The following MLLT1 variants were observed in gnomAD, a reference collection of about 807,000 sequenced individuals.
MLLT1 encodes the protein MLLT1 super elongation complex subunit, also known as protein ENL.
MLLT1 carries 11 observed loss-of-function variants against 55.1 expected under a neutral mutation model. The ratio of observed to expected loss-of-function variants is 0.20; its 90% CI spans 0.13 to 0.33. The LOEUF (loss-of-function observed/expected upper bound fraction) is 0.33, where lower values mean the gene tolerates loss of function less well. Ranked by LOEUF, MLLT1 falls within the 10% of genes least tolerant of loss-of-function variation. MLLT1 has a pLI of 1.00. For synonymous variants in MLLT1, 323 were observed against 320.1 expected, an observed-to-expected ratio of 1.01 and a Z score of -0.10; for missense variants, 536 against 760.6, an observed-to-expected ratio of 0.70 and a Z score of 3.47.
Position 6,262,145 on chromosome 19 carries a change from G to T in MLLT1, c.276+83C>A. 3 of 1,072,046 alleles carry T rather than the reference G, an allele frequency of 2.8e-6. No individual in the cohort carries two copies. The highest frequency in any genetic ancestry group is 4.3e-6 in the Non-Finnish European group (3 of 694,066). The allele number at this position is 1,072,046 out of a possible 1,614,324, so 66.4% of individuals were successfully genotyped here. On this transcript the variant is annotated intron_variant, in intron 3 of 11. Transcript: ENST00000252674. The surrounding 1 kb of genome is among the most constrained non-coding windows in gnomAD (Gnocchi z 4.4). Reference sequence around the variant, plus strand: ...GTGCATGGGCAGCGGCCAGTTCTCTGGCCTGTTTTGTGAACTGCCGTGGCA... The same window carrying T: ...GTGCATGGGCAGCGGCCAGTTCTCTTGCCTGTTTTGTGAACTGCCGTGGCA...
rs1409086374 is a variant in MLLT1 at position 6,262,218 on chromosome 19, G to C, written c.276+10C>G. ...AGAGGCATCCTGCTTGCTCCCCTCA[G>C]GGATCCTACCTTGTTTTTGAAGTGC... is the stretch of plus-strand genomic sequence containing the variant. On this transcript the variant is annotated intron_variant, in intron 3 of 11. Transcript: ENST00000252674. The surrounding 1 kb of genome is among the most constrained non-coding windows in gnomAD (Gnocchi z 4.4). The C allele has an allele frequency of 6.2e-7, 1 of 1,612,574 alleles. No homozygotes were observed. The highest frequency in any genetic ancestry group is 8.5e-7 in the Non-Finnish European group (1 of 1,178,834).
intron 5 of MLLT1, among the ~76,000 whole-genome samples, chr19:6,225,542 C>T (rs888093291): frequency 6.6e-6 from 1 of 152,178 alleles, no homozygotes; most frequent in Admixed American, 6.5e-5. Flanking sequence ...TCTCAGAATG[C>T]CCTCAGCAGA....
rs1224267190 is a variant in MLLT1 at position 6,216,466 on chromosome 19, C to T, written c.1246G>A (p.Glu416Lys). 3.7e-6 allele frequency: 6 copies of T among 1,608,548 alleles called. No homozygotes were observed. The highest frequency in any genetic ancestry group is 4.2e-6 in the Non-Finnish European group (5 of 1,178,314). ...VEDLQSEESD[E>K]DDSSSGEEAA... ...TCCTCGCCTGACGAAGAGTCGTCCTCGTCGGACTCCTCGGACTGCAGGTCC... is the reference window on the plus strand; with the variant it reads ...TCCTCGCCTGACGAAGAGTCGTCCTTGTCGGACTCCTCGGACTGCAGGTCC... Residue 416 changes from glutamate (E) to lysine (K), a missense_variant, in exon 8 of 12, where the codon GAG becomes AAG. This residue lies in a region of MLLT1 where 449 missense variants were observed against 489.0 expected (regional missense o/e 0.92). Transcript: ENST00000252674.
intron 3 of MLLT1, among the ~76,000 whole-genome samples, chr19:6,253,145 G>T (rs1375645156): frequency 6.6e-6 from 1 of 151,118 alleles, no homozygotes; most frequent in Non-Finnish European, 1.5e-5. Flanking sequence ...CACACCCGTA[G>T]TCCCAGCTAC....
intron 2 of MLLT1, among the ~76,000 whole-genome samples, chr19:6,267,969 C>G (rs914230638): frequency 1.3e-5 from 2 of 151,936 alleles, no homozygotes; most frequent in South Asian, 4.2e-4. Flanking sequence ...CTGCAGGCAC[C>G]GAACATGTAG....
chr19:6,277,490 G>A (rs1209109527), intron 1 of MLLT1, among the ~76,000 whole-genome samples: 1 of 152,174 alleles, frequency 6.6e-6, no homozygotes, highest in East Asian at 1.9e-4. Context: ...GTTGTCATTC[G>A]AGTTAGTTTA....
In MLLT1 at chr19:6,273,542, G is replaced by A. The variant is rs1025987159; in HGVS notation, c.13-2783C>T. On this transcript the variant is annotated intron_variant, in intron 1 of 11. Coordinates refer to ENST00000252674, the MANE Select transcript of MLLT1 (RefSeq NM_005934.4). This position sits in a 1 kb window ranked among gnomAD's most constrained non-coding sequence, Gnocchi z 4.3. ...TCAGGCCAAGCACGAGTGTCTGCCT[G>A]AACACCACCGCATTCCAACAAACCC... Among the ~76,000 whole-genome samples the A allele has an allele frequency of 6.6e-6, 1 of 152,152 alleles. No individual in the cohort carries two copies. Among genetic ancestry groups the A allele is most frequent in the African/African-American group, 2.4e-5 (1 of 41,410 alleles).
At position 6,230,789 on chromosome 19, in the gene MLLT1, G is replaced by C. The variant is rs1429010430; in HGVS notation, c.277-76C>G. On this transcript the variant is annotated intron_variant, in intron 3 of 11. Coordinates refer to ENST00000252674, the MANE Select transcript of MLLT1 (RefSeq NM_005934.4). The surrounding 1 kb of genome is among the most constrained non-coding windows in gnomAD (Gnocchi z 9.0). ...GGGACACAGCTCCCCATTGGCCCTG[G>C]TCCTCCCCTCTCCCTCACTGGGCCT... is the stretch of plus-strand genomic sequence containing the variant. 1.3e-6 allele frequency: 2 copies of C among 1,561,026 alleles called. No homozygotes were observed. Among genetic ancestry groups the C allele is most frequent in the Non-Finnish European group, 1.7e-6 (2 of 1,144,538 alleles).
intron 8 of MLLT1, 69 bp downstream of exon 8, chr19:6,216,336 T>C: frequency 8.7e-7 from 1 of 1,146,836 alleles, no homozygotes; most frequent in South Asian, 1.3e-5. Context: ...AGCCCCACAA[T>C]CACTGCAGAC....
chr19:6,217,945 CAT>C lies in MLLT1; in HGVS notation c.1198+7_1198+8del. ...CCATCCGTGCCCCCCAGCTGCTCTC[CAT>C]ACACACCTTGGCTGTGGTTCTGGGA... On this transcript the variant is annotated splice_region_variant and intron_variant, in intron 7 of 11. Transcript: ENST00000252674. The C allele has an allele frequency of 6.3e-7, 1 of 1,598,442 alleles. No homozygotes were observed. The highest frequency in any genetic ancestry group is 8.5e-7 in the Non-Finnish European group (1 of 1,173,324).
chr19:6,272,291 C>T (rs1261927065), intron 1 of MLLT1, among the ~76,000 whole-genome samples: 2 of 152,198 alleles, frequency 1.3e-5, no homozygotes, highest in Non-Finnish European at 2.9e-5. Context: ...GAGTTGGTGG[C>T]GCTGTCCTGG....
chr19:6,219,088 G>A lies in MLLT1; in HGVS notation c.1111-1047C>T, dbSNP rs1275615156. ...GACTCAGGACCTTGAGTGCCTGGGAGCCCCCGGCCCCTCCCCTAGCATGTG... is the reference window on the plus strand; with the variant it reads ...GACTCAGGACCTTGAGTGCCTGGGAACCCCCGGCCCCTCCCCTAGCATGTG... On this transcript the variant is annotated intron_variant, in intron 6 of 11. Transcript: ENST00000252674. The surrounding 1 kb of genome is among the most constrained non-coding windows in gnomAD (Gnocchi z 4.5). 3.3e-5 allele frequency among the ~76,000 whole-genome samples: 5 copies of A among 152,094 alleles called. No homozygotes were observed. The East Asian group carries it at 9.7e-4, about 30-fold the overall frequency.
At chr19:6,214,710 G>A (rs542979557) in intron 8 of MLLT1, among the ~76,000 whole-genome samples, 83 of 152,228 alleles carry the variant, frequency 5.5e-4, no homozygotes, top group African/African-American at 1.8e-3. Flanking sequence ...CTGGGGTCCC[G>A]CTCTGCCAGG....
At chr19:6,275,953 G>C (rs2091425959) in intron 1 of MLLT1, among the ~76,000 whole-genome samples, 1 of 152,234 alleles carries the variant, frequency 6.6e-6, no homozygotes, top group Non-Finnish European at 1.5e-5. Context: ...CCAGGGGGGA[G>C]GGGGAGGAGC....
Position 6,219,733 on chromosome 19 carries a change from G to A in MLLT1, c.1111-1692C>T, listed in dbSNP as rs1250875489. Among the ~76,000 whole-genome samples the A allele has an allele frequency of 1.3e-5, 2 of 152,212 alleles. No individual in the cohort carries two copies. Among genetic ancestry groups the A allele is most frequent in the Non-Finnish European group, 2.9e-5 (2 of 68,046 alleles). On this transcript the variant is annotated intron_variant, in intron 6 of 11. Transcript: ENST00000252674. This position sits in a 1 kb window ranked among gnomAD's most constrained non-coding sequence, Gnocchi z 4.5. ...TATCCCATGCACTTTCTCACTAAAG[G>A]TGGAGAGGGGGCAGTTCAGGCGGCC...
rs2090773735 is a variant in MLLT1 at position 6,211,696 on chromosome 19, G to A, written c.*1346C>T. 9.4e-7 allele frequency: 1 copy of A among 1,064,624 alleles called. No homozygotes were observed. The allele number at this position is 1,064,624 out of a possible 1,614,324, so 65.9% of individuals were successfully genotyped here. A position where few individuals can be genotyped will look rare whatever the true frequency, so the allele number is the denominator to read the frequency against. ...GTTGAGAGGACTGGAGGCGCCTCGA[G>A]TCAATGTCTGGGAAACAGAGGCTAA... On this transcript the variant is annotated 3_prime_UTR_variant, in exon 12 of 12. Coordinates refer to ENST00000252674, the MANE Select transcript of MLLT1 (RefSeq NM_005934.4). The surrounding 1 kb of genome is among the most constrained non-coding windows in gnomAD (Gnocchi z 4.6).
At chr19:6,264,782 C>A (rs1391053713) in intron 2 of MLLT1, among the ~76,000 whole-genome samples, 2 of 150,682 alleles carry the variant, frequency 1.3e-5, no homozygotes. Flanking sequence ...GTAATCCCAG[C>A]TACTTGGGAG....
chr19:6,232,930 G>A (rs1019001710), intron 3 of MLLT1, among the ~76,000 whole-genome samples: 15 of 152,224 alleles, frequency 9.9e-5, no homozygotes, highest in African/African-American at 3.6e-4. Flanking sequence ...TCCCGTGAAG[G>A]CTTCTGAGTT....
intron 3 of MLLT1, among the ~76,000 whole-genome samples, chr19:6,257,796 A>G (rs2091270729): frequency 6.6e-6 from 1 of 152,206 alleles, no homozygotes; most frequent in Non-Finnish European, 1.5e-5. Context: ...GTGAGACTCC[A>G]TCTCGGAAAA....
Sources: allele counts gnomAD v4.1 joint callset (sites outside exome capture counted in the v4.1 genomes callset), GRCh38; gene constraint gnomAD v4.1.1; regional missense constraint gnomAD v4.1.1; non-coding constraint Gnocchi (gnomAD v3.1); transcripts MANE v1.5; gene names NCBI Gene and HGNC (gene_info 2026-07-23, HGNC 2026-07-21).